Variants in RABGAP1L observed in about 807,000 individuals in gnomAD.
RABGAP1L encodes the protein rab GTPase-activating protein 1-like.
In RABGAP1L, 63 loss-of-function variants were observed where a neutral mutation model predicts 137.7. That is an observed-to-expected ratio of 0.46 (90% confidence interval 0.37 to 0.56). The LOEUF (loss-of-function observed/expected upper bound fraction) is 0.56, where lower values mean the gene tolerates loss of function less well. RABGAP1L is among the 20% of genes least tolerant of loss of function. The pLI, the probability that RABGAP1L is intolerant of heterozygous loss-of-function variation, is 0.00. For missense variants in RABGAP1L, 1,095 were observed against 1,244.0 expected (o/e 0.88, Z 1.80); for synonymous variants, 431 against 433.7 (o/e 0.99, Z 0.08).
At chr1:174,584,171 C>T (rs1668943667) in intron 13 of RABGAP1L, among the ~76,000 whole-genome samples, 2 of 152,150 alleles carry the variant, frequency 1.3e-5, no homozygotes, top group African/African-American at 2.4e-5. Context: ...AAATGGAGAA[C>T]TCTGGCAATG....
At chr1:174,665,099 A>C (rs1005918596) in intron 14 of RABGAP1L, among the ~76,000 whole-genome samples, 1 of 152,104 alleles carries the variant, frequency 6.6e-6, no homozygotes, top group African/African-American at 2.4e-5. Context: ...ATAGTCATGA[A>C]ATGCAGATTA....
chr1:174,453,242 G>C (rs1655639909), intron 13 of RABGAP1L, among the ~76,000 whole-genome samples: 1 of 152,126 alleles, frequency 6.6e-6, no homozygotes. Context: ...GGGATGTCTT[G>C]TCATTTGTCT....
chr1:174,626,796 A>G (rs1050467233), intron 13 of RABGAP1L, among the ~76,000 whole-genome samples: 4 of 152,126 alleles, frequency 2.6e-5, no homozygotes, highest in South Asian at 2.1e-4. Flanking sequence ...CTCTGCCTCT[A>G]TGGATTTTTG....
At chr1:174,231,902 C>T (rs1468344378) in intron 4 of RABGAP1L, among the ~76,000 whole-genome samples, 2 of 152,164 alleles carry the variant, frequency 1.3e-5, no homozygotes, top group East Asian at 3.9e-4. Flanking sequence ...CCAGCCCCAC[C>T]TCCAACATTG....
At chr1:174,659,717 A>AT (rs1676231605) in intron 14 of RABGAP1L, among the ~76,000 whole-genome samples, 2 of 152,158 alleles carry the variant, frequency 1.3e-5, no homozygotes, top group Admixed American at 1.3e-4. Flanking sequence ...TCAATTGCCT[A>AT]TTTGATTTCT....
chr1:174,370,512 CTTTTTTTTT>C (rs372406044), intron 11 of RABGAP1L, among the ~76,000 whole-genome samples: 1 of 50,362 alleles, frequency 2.0e-5, no homozygotes, highest in Non-Finnish European at 3.5e-5. Flanking sequence ...AGAAACCTAA[CTTTTTTTTT>C]TTTTTTTTAC....
chr1:174,408,686 A>G (rs545195994), intron 13 of RABGAP1L, among the ~76,000 whole-genome samples: 171 of 152,190 alleles, frequency 1.1e-3, no homozygotes, highest in Non-Finnish European at 2.2e-3. Flanking sequence ...AACAGTGTCT[A>G]CGTGTTAATT....
intron 11 of RABGAP1L, among the ~76,000 whole-genome samples, chr1:174,316,204 T>C (rs1679363178): frequency 6.6e-6 from 1 of 152,246 alleles, no homozygotes; most frequent in African/African-American, 2.4e-5. Context: ...CTTTCTGAAG[T>C]TTCACATATC....
intron 13 of RABGAP1L, among the ~76,000 whole-genome samples, chr1:174,500,172 C>T (rs545132462): frequency 2.0e-4 from 31 of 151,944 alleles, no homozygotes; most frequent in East Asian, 5.8e-4. Flanking sequence ...CTCCGCCTCC[C>T]GGGTTCAAGC....
At chr1:174,414,043 G>A (rs1650258434) in intron 13 of RABGAP1L, among the ~76,000 whole-genome samples, 1 of 152,080 alleles carries the variant, frequency 6.6e-6, no homozygotes, top group Non-Finnish European at 1.5e-5. Context: ...GTCTGTAAGT[G>A]TTTGTATATG....
intron 19 of RABGAP1L, among the ~76,000 whole-genome samples, chr1:174,887,614 G>GT (rs900504072): frequency 3.2e-5 from 1 of 31,016 alleles, no homozygotes; most frequent in African/African-American, 8.9e-4. Flanking sequence ...CAAAAACTTG[G>GT]GGGGGGGGTC....
At chr1:174,947,664 C>G (rs958505966) in intron 19 of RABGAP1L, among the ~76,000 whole-genome samples, 3 of 152,194 alleles carry the variant, frequency 2.0e-5, no homozygotes, top group Non-Finnish European at 2.9e-5. Flanking sequence ...AGGTGACCTA[C>G]TTGCCTCAGC....
intron 11 of RABGAP1L, among the ~76,000 whole-genome samples, chr1:174,313,815 G>A (rs1679097972): frequency 6.6e-6 from 1 of 152,010 alleles, no homozygotes; most frequent in Admixed American, 6.6e-5. Flanking sequence ...GTATCACATT[G>A]ATAGATTTGA....
At chr1:174,749,683 T>C (rs115127180) in intron 17 of RABGAP1L, among the ~76,000 whole-genome samples, 3,169 of 152,222 alleles carry the variant, frequency 0.021, 119 homozygotes, top group African/African-American at 0.073. Flanking sequence ...TGAAGTCTTA[T>C]GGGTAACCAC....
chr1:174,820,171 T>C (rs1690871157), intron 19 of RABGAP1L, among the ~76,000 whole-genome samples: 5 of 152,188 alleles, frequency 3.3e-5, no homozygotes, highest in Admixed American at 2.6e-4. Flanking sequence ...AAACATTTAG[T>C]AGTCCAAATG....
intron 17 of RABGAP1L, among the ~76,000 whole-genome samples, chr1:174,749,008 C>T (rs1684115259): frequency 6.6e-6 from 1 of 151,806 alleles, no homozygotes; most frequent in Non-Finnish European, 1.5e-5. Context: ...GAAACCCCGC[C>T]TCTACTAAAA....
In RABGAP1L at chr1:174,637,387, G is replaced by T; in HGVS notation, c.1723G>T (p.Glu575Ter). The T allele has an allele frequency of 6.2e-7, 1 of 1,610,094 alleles. No homozygotes were observed. Among genetic ancestry groups the T allele is most frequent in the Non-Finnish European group, 8.5e-7 (1 of 1,176,420 alleles). ...RILITKDSAQ[E>*]SVITRDIHRT... Reference sequence around the variant, plus strand: ...CTTTCTTTTTTAGGACTCAGCCCAGGAGAGTGTTATTACTCGAGATATTCA... The same window carrying T: ...CTTTCTTTTTTAGGACTCAGCCCAGTAGAGTGTTATTACTCGAGATATTCA... The change falls in exon 14 of 26, where the codon GAG becomes TAG. Residue 575 changes from glutamate (E) to a stop codon, truncating the protein, a stop_gained. Coordinates refer to ENST00000681986, the MANE Select transcript of RABGAP1L (RefSeq NM_001366446.1). LOFTEE classifies it high-confidence loss of function.
chr1:174,518,278 T>A (rs1663045409), intron 13 of RABGAP1L, among the ~76,000 whole-genome samples: 2 of 152,154 alleles, frequency 1.3e-5, no homozygotes, highest in South Asian at 4.2e-4. Flanking sequence ...GTATAAAGCC[T>A]CCCTCAGTAT....
At chr1:174,934,718 G>A (rs1424206850) in intron 19 of RABGAP1L, among the ~76,000 whole-genome samples, 1 of 152,114 alleles carries the variant, frequency 6.6e-6, no homozygotes, top group African/African-American at 2.4e-5. Flanking sequence ...TTGAGCCCAG[G>A]AGGTCATGCC....
Sources: allele counts gnomAD v4.1 joint callset (sites outside exome capture counted in the v4.1 genomes callset), GRCh38; gene constraint gnomAD v4.1.1; transcripts MANE v1.5; gene names NCBI Gene and HGNC (gene_info 2026-07-23, HGNC 2026-07-21).